Variants in TONSL observed in about 807,000 individuals in gnomAD.
TONSL encodes the protein tonsoku like, DNA repair protein.
A neutral mutation model predicts 147.1 loss-of-function variants in TONSL; 112 were observed. The observed-to-expected ratio is 0.76, with a 90% CI of 0.65 to 0.89. The LOEUF (loss-of-function observed/expected upper bound fraction) is 0.89. Among genes scored for constraint, TONSL ranks in the 40% least tolerant of loss-of-function variants. The probability of loss-of-function intolerance (pLI) is 0.00; values close to 1 mark genes in which losing one functional copy is unlikely to be tolerated. For synonymous variants in TONSL, 868 were observed against 801.5 expected (o/e 1.08, Z -1.40); for missense variants, 1,883 against 1,864.6 (o/e 1.01, Z -0.18).
In TONSL at chr8:144,429,043, C is replaced by T. The variant is rs1420980468; in HGVS notation, c.*100G>A. 9.9e-6 allele frequency: 13 copies of T among 1,306,676 alleles called. No individual in the cohort carries two copies. Among genetic ancestry groups the T allele is most frequent in the Non-Finnish European group, 1.1e-5 (11 of 992,642 alleles). The allele number at this position is 1,306,676 out of a possible 1,614,324, so 80.9% of individuals were successfully genotyped here. ...TGACCTCGTGATCCGCCCGCCTGGGCCTCCCAAAGTGTTGGGATTACAGGC... is the reference window on the plus strand; with the variant it reads ...TGACCTCGTGATCCGCCCGCCTGGGTCTCCCAAAGTGTTGGGATTACAGGC... On this transcript the variant is annotated 3_prime_UTR_variant, in exon 26 of 26. Transcript: ENST00000409379.
rs758114854 is a variant in TONSL at position 144,435,799 on chromosome 8, C to T, written c.2634G>A (p.Gln878=). The T allele has an allele frequency of 5.6e-6, 9 of 1,612,696 alleles. No homozygotes were observed. Among genetic ancestry groups the T allele is most frequent in the South Asian group, 2.2e-5 (2 of 91,090 alleles). The stretch of plus-strand genomic sequence containing the variant: ...AACTCTGCATGCAGGTCAGGCGGAC[C>T]TGCTTGGCTCGGGCACGGGGCCTGC... ...EESRPRARAK[Q]VRLTCMQSCS... is the part of the protein sequence containing the mutation. Residue 878 remains glutamine, a synonymous_variant, in exon 17 of 26, where the codon CAG becomes CAA. Transcript: ENST00000409379.
rs868979093 is a variant in TONSL, at chr8:144,432,587, G to C, written c.3560-127C>G. 4.6e-5 allele frequency: 45 copies of C among 974,626 alleles called. No individual in the cohort carries two copies. The African/African-American group carries it at 7.5e-4, about 16-fold the overall frequency. 60.4% of individuals were successfully genotyped at this position (974,626 alleles called of 1,614,324 possible). A position where few individuals can be genotyped will look rare whatever the true frequency, so the allele number is the denominator to read the frequency against. ...ACCGCAGTGCTCGCAGGGTGGGGTGGCAAGTGCAGAGGCAAAGGCTCTCGC... is the reference window on the plus strand; with the variant it reads ...ACCGCAGTGCTCGCAGGGTGGGGTGCCAAGTGCAGAGGCAAAGGCTCTCGC... On this transcript the variant is annotated intron_variant, in intron 22 of 25. Transcript: ENST00000409379.
chr8:144,430,907 G>T (rs376516480), intron 24 of TONSL, among the ~76,000 whole-genome samples, 171 bp downstream of exon 24: 12 of 152,376 alleles, frequency 7.9e-5, no homozygotes, highest in African/African-American at 2.9e-4. Context: ...GAAGCCAGAG[G>T]GTAGTCTGCC....
chr8:144,444,115 G>A, intron 2 of TONSL, 65 bp downstream of exon 2: 3 of 1,301,902 alleles, frequency 2.3e-6, no homozygotes, highest in Non-Finnish European at 2.9e-6. Context: ...TCGCCCCCCG[G>A]CCCCCGATCC....
intron 23 of TONSL, 39 bp from the exon 24 acceptor site, chr8:144,431,190 G>A: frequency 1.2e-5 from 19 of 1,604,758 alleles, no homozygotes; most frequent in Non-Finnish European, 1.6e-5. Context: ...CAAACGGAGT[G>A]GCGCACCTGC....
Position 144,435,937 on chromosome 8 carries a change from G to A in TONSL, c.2496C>T (p.Ala832=), listed in dbSNP as rs2721140. 732,512 of 1,565,840 alleles carry A rather than the reference G, an allele frequency of 0.47. 173,260 individuals are homozygous for A. The highest frequency in any genetic ancestry group is 0.58 in the South Asian group (49,872 of 86,214). The change falls in exon 17 of 26, where the codon GCC becomes GCT. Residue 832 remains alanine, a synonymous_variant. Transcript: ENST00000409379. ...GCATGTCCAGCTCCAGCCAGTCCCC[G>A]GCCAGGCACTCCTCCTCCGGGATGA... ...AALIPEEECL[A]GDWLELDMPL...
In TONSL at chr8:144,431,101, G is replaced by A; in HGVS notation, c.3786C>T (p.Asp1262=). 6.2e-7 allele frequency: 1 copy of A among 1,614,156 alleles called. No homozygotes were observed. The highest frequency in any genetic ancestry group is 8.5e-7 in the Non-Finnish European group (1 of 1,179,990). The change falls in exon 24 of 26, where the codon GAC becomes GAT. Residue 1262 remains aspartate, a synonymous_variant. Transcript: ENST00000409379. ...ACCTGCACAGGTCTCTAACAGCCTTGTCCCCCAGGTGGTTTGCAGACAGGG... is the reference window on the plus strand; with the variant it reads ...ACCTGCACAGGTCTCTAACAGCCTTATCCCCCAGGTGGTTTGCAGACAGGG... ...HLTLSANHLG[D]KAVRDLCRCL...
rs1823697750 is a variant in TONSL, at chr8:144,441,052, CCT to C, written c.923_924del (p.Gln308ArgfsTer7). The C allele has an allele frequency of 1.2e-6, 2 of 1,612,872 alleles. No individual in the cohort carries two copies. Among genetic ancestry groups the C allele is most frequent in the African/African-American group, 1.3e-5 (1 of 74,936 alleles). The stretch of plus-strand genomic sequence containing the variant: ...AGCTGCTCACAGATGACCATGGCAC[CCT>C]GAGGGTCTCTGCCCTCAGCCTCTTC... The part of the protein sequence containing the change: ...QLEEAEGRDP[Q>X]GAMVICEQLG... On this transcript the variant is annotated frameshift_variant, in exon 8 of 26. Coordinates refer to ENST00000409379, the MANE Select transcript of TONSL (RefSeq NM_013432.5). LOFTEE classifies it high-confidence loss of function.
Position 144,444,333 on chromosome 8 carries a change from T to A in TONSL, c.25+57A>T, listed in dbSNP as rs1180174385. On this transcript the variant is annotated intron_variant, in intron 1 of 25. Transcript: ENST00000409379. ...GGCGGGGTCCGGGGCCGGGGCCGAG[T>A]CCCAAGCCCTCCCCAGCCTCCGCGC... 9.9e-6 allele frequency: 13 copies of A among 1,308,094 alleles called. 1 individual carries two copies. The East Asian group carries it at 1.6e-4, about 16-fold the overall frequency. 81.0% of individuals were successfully genotyped at this position (1,308,094 alleles called of 1,614,324 possible).
Position 144,442,350 on chromosome 8 carries a change from C to A in TONSL, c.641G>T (p.Arg214Leu), listed in dbSNP as rs558578623. 3 of 1,591,122 alleles carry A rather than the reference C, an allele frequency of 1.9e-6. No homozygotes were observed. The highest frequency in any genetic ancestry group is 1.7e-5 in the Admixed American group (1 of 58,902). The change falls in exon 6 of 26, where the codon CGC becomes CTC. Residue 214 changes from arginine (R) to leucine (L), a missense_variant. Physicochemically the swap from Arg to Leu is moderately radical, Grantham distance 102. Coordinates refer to ENST00000409379, the MANE Select transcript of TONSL (RefSeq NM_013432.5). Reference sequence around the variant, plus strand: ...CATAGCCTGGGAGTGCTGGCCCGCGCGCCAGTGGATGGTGCCCAGGTTGTA... The same window carrying A: ...CATAGCCTGGGAGTGCTGGCCCGCGAGCCAGTGGATGGTGCCCAGGTTGTA... Reference protein sequence around the residue: ...ARYNLGTIHWRAGQHSQAMRC... With the variant: ...ARYNLGTIHWLAGQHSQAMRC...
chr8:144,434,173 C>T lies in TONSL; in HGVS notation c.3192G>A (p.Arg1064=), dbSNP rs374712437. The change falls in exon 21 of 26, where the codon CGG becomes CGA. Residue 1064 remains arginine (R), a synonymous_variant. Transcript: ENST00000409379. The stretch of plus-strand genomic sequence containing the variant: ...GGAGTGCTGTGTGCAGCTTGAGGGC[C>T]CGCAGCAGGGGTGTAAGCTGGGCCT... The part of the protein sequence containing the change: ...LDQAQLTPLL[R]ALKLHTALRE... The T allele has an allele frequency of 6.1e-5, 98 of 1,607,398 alleles. No homozygotes were observed. The highest frequency in any genetic ancestry group is 7.9e-5 in the Non-Finnish European group (93 of 1,176,622).
In TONSL at chr8:144,435,809, C is replaced by T. The variant is rs147256304; in HGVS notation, c.2624G>A (p.Arg875Gln). 2.1e-5 allele frequency: 34 copies of T among 1,612,532 alleles called. No homozygotes were observed. Among genetic ancestry groups the T allele is most frequent in the Admixed American group, 1.0e-4 (6 of 59,988 alleles). ...GCAGGTCAGGCGGACCTGCTTGGCTCGGGCACGGGGCCTGCTCTCCTCACT... is the reference window on the plus strand; with the variant it reads ...GCAGGTCAGGCGGACCTGCTTGGCTTGGGCACGGGGCCTGCTCTCCTCACT... ...SDSEESRPRA[R>Q]AKQVRLTCMQ... Residue 875 changes from arginine to glutamine, a missense_variant, in exon 17 of 26, where the codon CGA becomes CAA. Transcript: ENST00000409379.
chr8:144,435,398 C>A (rs1823401274), intron 18 of TONSL, 76 bp downstream of exon 18: 1 of 1,370,396 alleles, frequency 7.3e-7, no homozygotes, highest in Admixed American at 2.5e-5. Context: ...ACACGCCCCA[C>A]CCTGACATGC....
At chr8:144,435,225 C>T (rs1263203849) in intron 18 of TONSL, 55 bp from the exon 19 acceptor site, 7 of 1,442,068 alleles carry the variant, frequency 4.9e-6, no homozygotes, top group East Asian at 5.0e-5. Context: ...GGTAATGCCC[C>T]AGGGACCCGC....
At chr8:144,443,453 GC>G in intron 3 of TONSL, 132 bp from the exon 4 acceptor site, 1 of 849,964 alleles carries the variant, frequency 1.2e-6, no homozygotes, top group Non-Finnish European at 1.8e-6. Flanking sequence ...GCAGGCCAAG[GC>G]CAGACACGTG....
intron 11 of TONSL, 82 bp from the exon 12 acceptor site, chr8:144,438,817 A>C: frequency 1.4e-6 from 2 of 1,416,004 alleles, no homozygotes; most frequent in South Asian, 1.2e-5. Context: ...AGCTCCCCAA[A>C]CTCCCAGGTA....
chr8:144,437,002 C>T, intron 14 of TONSL, 25 bp downstream of exon 14: 1 of 1,613,026 alleles, frequency 6.2e-7, no homozygotes, highest in Middle Eastern at 1.6e-4. Flanking sequence ...CAAGGTGCGC[C>T]AGGCTCCTTC....
chr8:144,440,273 TG>T, intron 10 of TONSL, 63 bp from the exon 11 acceptor site: 2 of 1,557,202 alleles, frequency 1.3e-6, no homozygotes, highest in Non-Finnish European at 1.7e-6. Flanking sequence ...AAGATGGGGA[TG>T]GGGCACAAGG....
At position 144,440,841 on chromosome 8, in the gene TONSL, C is replaced by T. The variant is rs764573717; in HGVS notation, c.1041G>A (p.Pro347=). The T allele has an allele frequency of 4.3e-6, 7 of 1,612,842 alleles. No individual in the cohort carries two copies. The highest frequency in any genetic ancestry group is 3.3e-5 in the Admixed American group (2 of 60,012). ...CGTGGATGATGGCCCGCTCAGCACC[C>T]GGTCTGTCCAGCAGCTCAGCAAAAC... ...QLRFAELLDR[P]GAERAIIHVS... Residue 347 remains proline, a synonymous_variant, in exon 9 of 26, where the codon CCG becomes CCA. Transcript: ENST00000409379.
Sources: gnomAD v4.1 joint callset for allele counts (sites outside exome capture counted in the v4.1 genomes callset) on GRCh38, gnomAD v4.1.1 for gene constraint, MANE v1.5 for transcripts, NCBI Gene and HGNC (gene_info 2026-07-23, HGNC 2026-07-21) for gene names.